Variants in OXR1 observed in about 807,000 individuals in gnomAD.
OXR1 encodes the protein oxidation resistance protein 1.
A neutral mutation model predicts 104.6 loss-of-function variants in OXR1; 41 were observed. The ratio of observed to expected loss-of-function variants is 0.39; its 90% CI spans 0.31 to 0.51. The LOEUF is 0.51. Ranked by LOEUF, OXR1 falls within the 20% of genes least tolerant of loss-of-function variation. OXR1 has a pLI of 0.77. For missense variants in OXR1, 955 were observed against 1,031.9 expected (o/e 0.93, Z 1.02); for synonymous variants, 348 against 348.4 (o/e 1.00, Z 0.01).
intron 3 of OXR1, among the ~76,000 whole-genome samples, chr8:106,598,209 G>C (rs1395526984): frequency 6.6e-6 from 1 of 152,192 alleles, no homozygotes; most frequent in Non-Finnish European, 1.5e-5. Context: ...CGTAATCTAG[G>C]TCAGCCTTTT....
intron 3 of OXR1, among the ~76,000 whole-genome samples, chr8:106,596,252 C>T (rs1045940165): frequency 6.6e-6 from 1 of 152,008 alleles, no homozygotes. Flanking sequence ...TTGGGACCAG[C>T]CTGGCCAACA....
intron 1 of OXR1, among the ~76,000 whole-genome samples, chr8:106,342,308 T>A (rs2130274050): frequency 6.6e-6 from 1 of 151,582 alleles, no homozygotes; most frequent in South Asian, 2.1e-4. Flanking sequence ...TGGAGTGCAG[T>A]GGCACGATCT....
At chr8:106,643,665 A>G (rs1823844969) in intron 3 of OXR1, among the ~76,000 whole-genome samples, 8 of 152,142 alleles carry the variant, frequency 5.3e-5, no homozygotes, top group Admixed American at 4.6e-4. Flanking sequence ...GAACTGAGAG[A>G]GTAACAGTTA....
intron 5 of OXR1, among the ~76,000 whole-genome samples, 193 bp from the exon 6 acceptor site, chr8:106,684,053 C>A (rs372959214): frequency 1.3e-5 from 2 of 151,940 alleles, no homozygotes; most frequent in African/African-American, 4.8e-5. Context: ...CTATTCCAGC[C>A]GTATATATTA....
intron 1 of OXR1, among the ~76,000 whole-genome samples, chr8:106,354,840 AT>A (rs1227616091): frequency 4.6e-5 from 7 of 152,168 alleles, no homozygotes; most frequent in Non-Finnish European, 7.4e-5. Context: ...GATTTGTGAA[AT>A]GGCAAAGTAA....
chr8:106,667,979 AAG>A, intron 3 of OXR1, among the ~76,000 whole-genome samples: 1 of 151,832 alleles, frequency 6.6e-6, no homozygotes, highest in East Asian at 1.9e-4. Context: ...AAAAAAAAAA[AAG>A]AAAAAAAATT....
At chr8:106,545,426 G>A (rs889396823) in intron 3 of OXR1, among the ~76,000 whole-genome samples, 1 of 151,976 alleles carries the variant, frequency 6.6e-6, no homozygotes, top group Non-Finnish European at 1.5e-5. Flanking sequence ...TTTTATACTG[G>A]GTAGCAAAAA....
intron 1 of OXR1, among the ~76,000 whole-genome samples, chr8:106,299,022 T>C (rs1813121609): frequency 6.6e-6 from 1 of 151,212 alleles, no homozygotes. Flanking sequence ...AGATATACAA[T>C]GAGTTGGGAT....
At chr8:106,588,064 G>A (rs1818783313) in intron 3 of OXR1, among the ~76,000 whole-genome samples, 1 of 151,612 alleles carries the variant, frequency 6.6e-6, no homozygotes, top group Non-Finnish European at 1.5e-5. Flanking sequence ...CCATTCTCCT[G>A]CCTCAGCCTC....
intron 1 of OXR1, among the ~76,000 whole-genome samples, chr8:106,305,637 C>T (rs1813435492): frequency 6.6e-6 from 1 of 152,136 alleles, no homozygotes; most frequent in South Asian, 2.1e-4. Flanking sequence ...CCAAAATACA[C>T]ACCCACCCAT....
At chr8:106,585,933 G>A (rs1287477700) in intron 3 of OXR1, among the ~76,000 whole-genome samples, 1 of 152,142 alleles carries the variant, frequency 6.6e-6, no homozygotes, top group Non-Finnish European at 1.5e-5. Flanking sequence ...GATGCCTTTG[G>A]AGAGATAATG....
intron 2 of OXR1, among the ~76,000 whole-genome samples, chr8:106,511,150 A>G (rs1812498228): frequency 6.6e-6 from 1 of 152,172 alleles, no homozygotes; most frequent in Admixed American, 6.6e-5. Context: ...TGAGTTTCTG[A>G]ACATGCTTGG....
chr8:106,666,881 G>T (rs1826392143), intron 3 of OXR1, among the ~76,000 whole-genome samples: 1 of 152,160 alleles, frequency 6.6e-6, no homozygotes, highest in South Asian at 2.1e-4. Context: ...ATAGGAGAAG[G>T]TTCAGCAGCC....
chr8:106,298,175 G>C (rs1303767980), intron 1 of OXR1, among the ~76,000 whole-genome samples: 1 of 152,132 alleles, frequency 6.6e-6, no homozygotes, highest in Non-Finnish European at 1.5e-5. Context: ...ATAGGAATCT[G>C]TATTAGTCTG....
At chr8:106,276,230 A>G (rs1254813690) in intron 1 of OXR1, among the ~76,000 whole-genome samples, 3 of 152,224 alleles carry the variant, frequency 2.0e-5, no homozygotes, top group Admixed American at 6.5e-5. Context: ...AATTACATGC[A>G]TGTTGCTTGA....
At chr8:106,480,268 T>C (rs1040021313) in intron 2 of OXR1, among the ~76,000 whole-genome samples, 3 of 152,054 alleles carry the variant, frequency 2.0e-5, no homozygotes, top group Non-Finnish European at 2.9e-5. Flanking sequence ...CTCTTTTTTT[T>C]CTGCATTGTG....
intron 14 of OXR1, among the ~76,000 whole-genome samples, 200 bp from the exon 15 acceptor site, chr8:106,742,022 A>G (rs371694407): frequency 6.6e-6 from 1 of 152,206 alleles, no homozygotes; most frequent in African/African-American, 2.4e-5. Flanking sequence ...CTGTATTTCC[A>G]TTGAAAAACC....
intron 3 of OXR1, among the ~76,000 whole-genome samples, chr8:106,663,022 A>G (rs766854263): frequency 6.6e-6 from 1 of 152,184 alleles, no homozygotes; most frequent in South Asian, 2.1e-4. Flanking sequence ...GGGATGCTCA[A>G]TCAGTAATGC....
intron 3 of OXR1, chr8:106,657,692 G>A: frequency 2.8e-6 from 1 of 355,630 alleles, no homozygotes; most frequent in Non-Finnish European, 4.4e-6. Context: ...TCGGTTCCAG[G>A]AAGAATACAC....
Sources: allele counts gnomAD v4.1 joint callset (sites outside exome capture counted in the v4.1 genomes callset), GRCh38; gene constraint gnomAD v4.1.1; transcripts MANE v1.5; gene names NCBI Gene and HGNC (gene_info 2026-07-23, HGNC 2026-07-21).